PDE10A: variants seen among roughly 807,000 people sequenced by gnomAD.
PDE10A encodes the protein cAMP and cAMP-inhibited cGMP 3',5'-cyclic phosphodiesterase 10A.
Under a neutral mutation model 97.7 loss-of-function variants are expected in PDE10A, and 39 were observed. That is an observed-to-expected ratio of 0.40 (90% CI 0.31 to 0.52). The LOEUF (loss-of-function observed/expected upper bound fraction) is 0.52, where lower values mean the gene tolerates loss of function less well. Ranked by LOEUF, PDE10A falls within the 20% of genes least tolerant of loss-of-function variation. The pLI, the probability that PDE10A is intolerant of heterozygous loss-of-function variation, is 0.56. For missense variants in PDE10A, 731 were observed against 1,047.8 expected, an observed-to-expected ratio of 0.70 and a Z score of 4.17; for synonymous variants, 371 against 376.8, an observed-to-expected ratio of 0.98 and a Z score of 0.18.
chr6:165,940,639 A>C (rs1312009893), intron 1 of PDE10A: 1 of 152,286 alleles, frequency 6.6e-6, no homozygotes, highest in Non-Finnish European at 1.5e-5. Flanking sequence ...TGGAGCCCAT[A>C]GAGCGCTCCT....
chr6:165,340,526 C>G (rs1410341065), intron 19 of PDE10A, among the ~76,000 whole-genome samples: 1 of 152,248 alleles, frequency 6.6e-6, no homozygotes, highest in Non-Finnish European at 1.5e-5. Context: ...TTTTGCTTCT[C>G]TATCCAAAGT....
intron 5 of PDE10A, among the ~76,000 whole-genome samples, chr6:165,447,477 G>C (rs758570257): frequency 1.1e-4 from 16 of 152,228 alleles, no homozygotes; most frequent in Non-Finnish European, 2.1e-4. Context: ...CCAACTGGGG[G>C]GCTGCTGGAG....
chr6:165,799,714 G>C (rs1278445001), intron 1 of PDE10A, among the ~76,000 whole-genome samples: 2 of 152,076 alleles, frequency 1.3e-5, no homozygotes, highest in African/African-American at 4.8e-5. Context: ...AAATTTTTTA[G>C]ACTTATAACA....
chr6:165,794,498 A>G (rs1191099693), intron 1 of PDE10A, among the ~76,000 whole-genome samples: 1 of 145,610 alleles, frequency 6.9e-6, no homozygotes, highest in East Asian at 2.0e-4. Flanking sequence ...CACACTACAC[A>G]CTCACATGCT....
chr6:165,749,396 TACCATCAACACCATC>T lies in PDE10A; in HGVS notation c.-614-205843_-614-205829del, dbSNP rs1792936509. Among the ~76,000 whole-genome samples, 5 of 26,404 alleles carry T rather than the reference TACCATCAACACCATC, an allele frequency of 1.9e-4. No homozygotes were observed. In the East Asian group the frequency reaches 5.9e-3, roughly 31 times the overall value. 17.3% of individuals were successfully genotyped at this position (26,404 alleles called of 152,430 possible). On this transcript the variant is annotated intron_variant, in intron 1 of 19. Transcript: ENST00000366882. The stretch of plus-strand genomic sequence containing the variant: ...CCATCACCACCACCATCATCACCAT[TACCATCAACACCATC>T]ACCATCATCACCATCACCACCATCA...
At chr6:165,334,714 G>A (rs1042717538) in intron 21 of PDE10A, among the ~76,000 whole-genome samples, 4 of 152,036 alleles carry the variant, frequency 2.6e-5, no homozygotes, top group African/African-American at 9.7e-5. Context: ...TTTGTAATAA[G>A]GTAAGATTTT....
intron 18 of PDE10A, among the ~76,000 whole-genome samples, chr6:165,351,013 G>A (rs546953382): frequency 7.4e-4 from 112 of 152,160 alleles, no homozygotes; most frequent in African/African-American, 2.5e-3. Context: ...TCTAAGAATC[G>A]ATTTCTAGGA....
At chr6:165,857,795 C>T (rs147324431) in intron 1 of PDE10A, among the ~76,000 whole-genome samples, 183 of 151,744 alleles carry the variant, frequency 1.2e-3, no homozygotes, top group African/African-American at 4.2e-3. Flanking sequence ...ATCATGAGGA[C>T]CTCTTGCCAA....
chr6:165,723,332 C>T (rs1201894687), intron 1 of PDE10A, among the ~76,000 whole-genome samples: 1 of 152,262 alleles, frequency 6.6e-6, no homozygotes, highest in African/African-American at 2.4e-5. Flanking sequence ...CTCTATGCTT[C>T]CTCAGCCCTT....
chr6:165,428,783 C>T, intron 9 of PDE10A, 74 bp from the exon 10 acceptor site: 2 of 589,952 alleles, frequency 3.4e-6, no homozygotes, highest in South Asian at 2.3e-5. Context: ...GAATTCATTT[C>T]CTGGTTTTGT....
chr6:165,966,542 A>C (rs1784516661), intron 1 of PDE10A, among the ~76,000 whole-genome samples: 6 of 152,226 alleles, frequency 3.9e-5, no homozygotes, highest in Admixed American at 3.9e-4. Flanking sequence ...ACTGGGTGGG[A>C]AGCCCACTTG....
rs368051571 is a variant in PDE10A, at chr6:165,907,611, G to GGGGTTCGT, written c.-615+79910_-615+79917dup. On this transcript the variant is annotated intron_variant, in intron 1 of 19. Coordinates refer to the PDE10A transcript ENST00000366882. Reference sequence around the variant, plus strand: ...CATCCTGCTCCTCAGCCAGGTGTCAGGGGTTCGTGTGCTGCCCTGACCTGA... The same window carrying GGGGTTCGT: ...CATCCTGCTCCTCAGCCAGGTGTCAGGGGTTCGTGGGTTCGTGTGCTGCCCTGACCTGA... 4.9e-3 allele frequency among the ~76,000 whole-genome samples: 742 copies of GGGGTTCGT among 152,374 alleles called. 2 individuals carry two copies. The highest frequency in any genetic ancestry group is 0.017 in the African/African-American group (693 of 41,576).
In PDE10A at chr6:165,647,525, A is replaced by AT. The variant is rs202166060; in HGVS notation, c.865+14421dup. ...AAATGGAAGAAGCATTCTAATGACA[A>AT]TCCCCTTTTTTTTTTTAGTTCTTTT... is the stretch of plus-strand genomic sequence containing the variant. On this transcript the variant is annotated intron_variant, in intron 1 of 21. Transcript: ENST00000539869. Among the ~76,000 whole-genome samples, 24 of 151,690 alleles carry AT rather than the reference A, an allele frequency of 1.6e-4. No individual in the cohort carries two copies. In the South Asian group the frequency reaches 1.9e-3, roughly 12 times the overall value.
chr6:165,840,048 A>ATCCCCATCTTCATCCTCATC (rs1436376849), intron 1 of PDE10A, among the ~76,000 whole-genome samples: 1 of 2,548 alleles, frequency 3.9e-4, no homozygotes, highest in African/African-American at 1.5e-3. Context: ...CTCCATCTCC[A>ATCCCCATCTTCATCCTCATC]TGTCCATCTC....
chr6:165,856,195 T>C (rs1780727584), intron 1 of PDE10A, among the ~76,000 whole-genome samples: 1 of 152,116 alleles, frequency 6.6e-6, no homozygotes, highest in South Asian at 2.1e-4. Flanking sequence ...TGGATCTAAA[T>C]CTCTGAAGAA....
intron 1 of PDE10A, among the ~76,000 whole-genome samples, chr6:165,919,683 G>A (rs1178959849): frequency 6.6e-6 from 1 of 152,194 alleles, no homozygotes; most frequent in Admixed American, 6.5e-5. Context: ...CTGCAGCCTG[G>A]ATAGGCCTGC....
intron 1 of PDE10A, among the ~76,000 whole-genome samples, chr6:165,827,122 C>T (rs1044327868): frequency 6.6e-6 from 1 of 152,160 alleles, no homozygotes; most frequent in East Asian, 1.9e-4. Flanking sequence ...TGACTTCCTG[C>T]GGGCCCTCCG....
At chr6:165,963,267 G>A (rs191360572) in intron 1 of PDE10A, among the ~76,000 whole-genome samples, 3 of 152,278 alleles carry the variant, frequency 2.0e-5, no homozygotes, top group African/African-American at 7.2e-5. Context: ...CAAAATCTCT[G>A]TGAAACAAAT....
At chr6:165,833,808 G>C (rs745400295) in intron 1 of PDE10A, among the ~76,000 whole-genome samples, 81 of 152,234 alleles carry the variant, frequency 5.3e-4, no homozygotes, top group Non-Finnish European at 7.5e-4. Flanking sequence ...AGATCAGGTA[G>C]GAAAGGTGCA....
Sources: allele counts gnomAD v4.1 joint callset (sites outside exome capture counted in the v4.1 genomes callset), GRCh38; gene constraint gnomAD v4.1.1; transcripts MANE v1.5; gene names NCBI Gene and HGNC (gene_info 2026-07-23, HGNC 2026-07-21).